PPIL4: variants seen among roughly 807,000 people sequenced by gnomAD.
The protein encoded by PPIL4 is peptidyl-prolyl cis-trans isomerase-like 4.
In PPIL4, 50 loss-of-function variants were observed where a neutral mutation model predicts 69.1. That is an observed-to-expected ratio of 0.72 (90% CI 0.58 to 0.92). The LOEUF (loss-of-function observed/expected upper bound fraction) is 0.92. Ranked by LOEUF, PPIL4 falls within the 40% of genes least tolerant of loss-of-function variation. The probability of loss-of-function intolerance (pLI) is 0.00; values close to 1 mark genes in which losing one functional copy is unlikely to be tolerated. For missense variants in PPIL4, 480 were observed against 587.9 expected (o/e 0.82, Z 1.90); for synonymous variants, 193 against 191.6 (o/e 1.01, Z -0.06).
intron 4 of PPIL4, among the ~76,000 whole-genome samples, chr6:149,539,670 A>G (rs972305439): frequency 1.3e-5 from 2 of 152,194 alleles, no homozygotes; most frequent in Admixed American, 6.5e-5. Context: ...GTATGCTACC[A>G]CGCCAGTCAG....
chr6:149,515,414 T>C (rs1776929181), intron 11 of PPIL4, among the ~76,000 whole-genome samples: 1 of 152,160 alleles, frequency 6.6e-6, no homozygotes, highest in African/African-American at 2.4e-5. Flanking sequence ...CTATCTCCCA[T>C]ATTAGTGTCA....
chr6:149,542,518 A>G (rs1192290023), intron 1 of PPIL4, among the ~76,000 whole-genome samples: 1 of 152,252 alleles, frequency 6.6e-6, no homozygotes. Context: ...GAAACCAAAC[A>G]GACAGTAAGA....
intron 4 of PPIL4, among the ~76,000 whole-genome samples, chr6:149,536,705 G>T (rs553666620): frequency 7.3e-6 from 1 of 137,540 alleles, no homozygotes; most frequent in East Asian, 2.2e-4. Flanking sequence ...GAAGTTTAAG[G>T]AAAGAGGCCA....
chr6:149,521,226 G>A lies in PPIL4; in HGVS notation c.871-55C>T, dbSNP rs1777024853. The A allele has an allele frequency of 3.9e-6, 4 of 1,016,588 alleles. No homozygotes were observed. In the South Asian group the frequency reaches 5.5e-5, roughly 14 times the overall value. 63.0% of individuals were successfully genotyped at this position (1,016,588 alleles called of 1,614,324 possible). On this transcript the variant is annotated intron_variant, in intron 9 of 12. Transcript: ENST00000253329. ...AATCTTTATGGAAAAGATTTCTGTA[G>A]CTAGAATACTGAAAATACAAAAAGT...
chr6:149,527,026 C>G (rs1392884620), intron 7 of PPIL4, among the ~76,000 whole-genome samples: 1 of 152,154 alleles, frequency 6.6e-6, no homozygotes, highest in Non-Finnish European at 1.5e-5. Context: ...AGATCTATTA[C>G]GCTAATTCTT....
chr6:149,531,174 G>A (rs1237733758), intron 7 of PPIL4, among the ~76,000 whole-genome samples: 1 of 151,908 alleles, frequency 6.6e-6, no homozygotes, highest in African/African-American at 2.4e-5. Flanking sequence ...GACCAGCCTG[G>A]GCAACACAGT....
chr6:149,538,830 C>T (rs181312614), intron 4 of PPIL4, among the ~76,000 whole-genome samples: 295 of 151,726 alleles, frequency 1.9e-3, no homozygotes, highest in Non-Finnish European at 3.1e-3. Flanking sequence ...TAAGGATGAG[C>T]AAACAAAGTG....
At chr6:149,527,542 T>C (rs1314907186) in intron 7 of PPIL4, among the ~76,000 whole-genome samples, 2 of 152,202 alleles carry the variant, frequency 1.3e-5, no homozygotes, top group Non-Finnish European at 2.9e-5. Flanking sequence ...AGGATAAGAA[T>C]TTATGTAAAG....
At chr6:149,509,837 T>C (rs534407792) in intron 12 of PPIL4, among the ~76,000 whole-genome samples, 14 of 152,328 alleles carry the variant, frequency 9.2e-5, no homozygotes, top group African/African-American at 3.1e-4. Context: ...GTAACAATTT[T>C]TGTTCTCACT....
intron 12 of PPIL4, among the ~76,000 whole-genome samples, chr6:149,510,175 G>A (rs1301762191): frequency 6.6e-6 from 1 of 152,172 alleles, no homozygotes; most frequent in Non-Finnish European, 1.5e-5. Context: ...CAGCTAAAGG[G>A]CTATAGAAAG....
Position 149,505,181 on chromosome 6 carries a change from A to G in PPIL4, c.*272T>C, listed in dbSNP as rs1583201179. The G allele has an allele frequency of 3.2e-6, 1 of 313,868 alleles. No individual in the cohort carries two copies. Among genetic ancestry groups the G allele is most frequent in the East Asian group, 6.7e-5 (1 of 15,010 alleles). The allele number at this position is 313,868 out of a possible 1,614,324, so 19.4% of individuals were successfully genotyped here. ...TTTATGTATTTTTGTAGTATGAAAT[A>G]CTTCATTAAAAAAAGAGTGAAAATG... On this transcript the variant is annotated 3_prime_UTR_variant, in exon 13 of 13. Coordinates refer to ENST00000253329, the MANE Select transcript of PPIL4 (RefSeq NM_139126.4).
At chr6:149,515,003 A>AT (rs1383521209) in intron 11 of PPIL4, among the ~76,000 whole-genome samples, 18 of 151,688 alleles carry the variant, frequency 1.2e-4, no homozygotes, top group African/African-American at 4.4e-4. Context: ...CGCCTGGCTA[A>AT]TTTTTTGTAT....
intron 9 of PPIL4, among the ~76,000 whole-genome samples, chr6:149,521,442 A>G (rs1777028559): frequency 1.3e-5 from 2 of 152,232 alleles, no homozygotes; most frequent in Admixed American, 1.3e-4. Context: ...TTAGAGAGAC[A>G]GTCCAACTGC....
rs758717817 is a variant in PPIL4 at position 149,512,283 on chromosome 6, A to G, written c.1099T>C (p.Leu367=). 4 of 1,610,106 alleles carry G rather than the reference A, an allele frequency of 2.5e-6. No individual in the cohort carries two copies. In the Admixed American group the frequency reaches 6.7e-5, roughly 27 times the overall value. Residue 367 remains leucine (L), a synonymous_variant, in exon 12 of 13, where the codon TTA becomes CTA. Coordinates refer to ENST00000253329, the MANE Select transcript of PPIL4 (RefSeq NM_139126.4). ...PKQDTKYDLI[L]DEQAEDSKSS... ...TTTGAGTCTTCGGCCTGCTCATCTA[A>G]TATAAGATCGTATTTTGTACTGCAG...
At chr6:149,517,310 A>G in intron 11 of PPIL4, 44 bp downstream of exon 11, 1 of 1,023,504 alleles carries the variant, frequency 9.8e-7, no homozygotes, top group Non-Finnish European at 1.5e-6. Context: ...TACACATAGC[A>G]GATGGTCAAT....
At position 149,533,487 on chromosome 6, in the gene PPIL4, C is replaced by A; in HGVS notation, c.649G>T (p.Ala217Ser). Residue 217 changes from alanine (A) to serine (S), a missense_variant, in exon 7 of 13, where the codon GCT becomes TCT. Ala to Ser is a moderately conservative substitution (Grantham distance 99). Transcript: ENST00000253329. ...TCCAAAAGTATAGCCTGAGTTTTAG[C>A]CTCTTTTTCTGCCTTTATTTCTTCT... Reference protein sequence around the residue: ...EVEEIKAEKEAKTQAILLEMV... With the variant: ...EVEEIKAEKESKTQAILLEMV... 1 of 1,604,396 alleles carries A rather than the reference C, an allele frequency of 6.2e-7. No individual in the cohort carries two copies. The highest frequency in any genetic ancestry group is 8.5e-7 in the Non-Finnish European group (1 of 1,171,642).
At position 149,540,984 on chromosome 6, in the gene PPIL4, T is replaced by C. The variant is rs751363772; in HGVS notation, c.279A>G (p.Thr93=). 24 of 1,612,848 alleles carry C rather than the reference T, an allele frequency of 1.5e-5. No individual in the cohort carries two copies. In the Admixed American group the frequency reaches 1.7e-4, roughly 11 times the overall value. The change falls in exon 4 of 13, where the codon ACA becomes ACG. Residue 93 remains threonine, a synonymous_variant. Coordinates refer to ENST00000253329, the MANE Select transcript of PPIL4 (RefSeq NM_139126.4). The stretch of plus-strand genomic sequence containing the variant: ...CACTGCCATTATTCACCATGGACAC[T>C]GTGCCTTTCTTCTTGTGCTTAATTC... ...VPRIKHKKKG[T]VSMVNNGSDQ...
chr6:149,539,199 T>C (rs1332171342), intron 4 of PPIL4, among the ~76,000 whole-genome samples: 1 of 152,182 alleles, frequency 6.6e-6, no homozygotes, highest in Non-Finnish European at 1.5e-5. Context: ...ATGATAACTG[T>C]TGAAATGACA....
At chr6:149,530,182 G>A (rs1400154733) in intron 7 of PPIL4, among the ~76,000 whole-genome samples, 1 of 152,156 alleles carries the variant, frequency 6.6e-6, no homozygotes, top group East Asian at 1.9e-4. Flanking sequence ...CTCATCAATT[G>A]TTAACAAATG....
Sources: gnomAD v4.1 joint callset for allele counts (sites outside exome capture counted in the v4.1 genomes callset) on GRCh38, gnomAD v4.1.1 for gene constraint, MANE v1.5 for transcripts, NCBI Gene and HGNC (gene_info 2026-07-23, HGNC 2026-07-21) for gene names.